B4GALT2: variants seen among roughly 807,000 people sequenced by gnomAD.
B4GALT2 encodes the protein beta-1,4-galactosyltransferase 2.
B4GALT2 carries 18 observed loss-of-function variants against 33.2 expected under a neutral mutation model. The ratio of observed to expected loss-of-function variants is 0.54; its 90% CI spans 0.38 to 0.80. The LOEUF (loss-of-function observed/expected upper bound fraction) is 0.80, where lower values mean the gene tolerates loss of function less well. B4GALT2 is among the 30% of genes least tolerant of loss of function. B4GALT2 has a pLI of 0.00. For synonymous variants in B4GALT2, 214 were observed against 217.6 expected, an observed-to-expected ratio of 0.98 and a Z score of 0.15; for missense variants, 404 against 526.2, an observed-to-expected ratio of 0.77 and a Z score of 2.27.
intron 4 of B4GALT2, 28 bp downstream of exon 4, chr1:43,985,083 A>T (rs1454660228): frequency 2.1e-5 from 34 of 1,609,482 alleles, no homozygotes; most frequent in Non-Finnish European, 2.9e-5. Context: ...AGCTGGACCC[A>T]GCCCTCCTGC....
chr1:43,986,759 G>A (rs2154303354), intron 6 of B4GALT2, among the ~76,000 whole-genome samples: 1 of 152,318 alleles, frequency 6.6e-6, no homozygotes, highest in South Asian at 2.1e-4. Context: ...CTGAAGAAGG[G>A]AGAGGCGGGG....
Position 43,982,051 on chromosome 1 carries a change from G to T in B4GALT2, c.549+127G>T, listed in dbSNP as rs2085606452. On this transcript the variant is annotated intron_variant, in intron 3 of 6. Coordinates refer to ENST00000372324, the MANE Select transcript of B4GALT2 (RefSeq NM_003780.5). The surrounding 1 kb of genome is among the most constrained non-coding windows in gnomAD (Gnocchi z 4.3). ...GTGGGTAGTCGGTGTTTGTCAGTGT[G>T]CACAGGAATGTGTACGCACAGTGTG... The T allele has an allele frequency of 1.1e-6, 1 of 883,716 alleles. No individual in the cohort carries two copies. The highest frequency in any genetic ancestry group is 1.7e-6 in the Non-Finnish European group (1 of 572,826). 54.7% of individuals were successfully genotyped at this position (883,716 alleles called of 1,614,324 possible). A position where few individuals can be genotyped will look rare whatever the true frequency, so the allele number is the denominator to read the frequency against.
In B4GALT2 at chr1:43,982,399, G is replaced by A. The variant is rs768467676; in HGVS notation, c.549+475G>A. 2.0e-5 allele frequency among the ~76,000 whole-genome samples: 3 copies of A among 152,132 alleles called. No homozygotes were observed. The highest frequency in any genetic ancestry group is 4.4e-5 in the Non-Finnish European group (3 of 68,010). ...TGATGCAGGCCCCCCCGCCCCCGCCGACCACAGAGACCTCCTAGACTTGGA... is the reference window on the plus strand; with the variant it reads ...TGATGCAGGCCCCCCCGCCCCCGCCAACCACAGAGACCTCCTAGACTTGGA... On this transcript the variant is annotated intron_variant, in intron 3 of 6. Coordinates refer to ENST00000372324, the MANE Select transcript of B4GALT2 (RefSeq NM_003780.5). The surrounding 1 kb of genome is among the most constrained non-coding windows in gnomAD (Gnocchi z 4.3).
chr1:43,987,852 C>CA (rs1025039102), intron 6 of B4GALT2, among the ~76,000 whole-genome samples: 95 of 152,332 alleles, frequency 6.2e-4, no homozygotes, highest in African/African-American at 2.2e-3. Context: ...CTCAGCTGTG[C>CA]AAAATCTTAT....
Position 43,984,347 on chromosome 1 carries a change from G to C in B4GALT2, c.550-518G>C, listed in dbSNP as rs2085632725. Among the ~76,000 whole-genome samples, 1 of 152,260 alleles carries C rather than the reference G, an allele frequency of 6.6e-6. No individual in the cohort carries two copies. The highest frequency in any genetic ancestry group is 2.4e-5 in the African/African-American group (1 of 41,476). On this transcript the variant is annotated intron_variant, in intron 3 of 6. Coordinates refer to ENST00000372324, the MANE Select transcript of B4GALT2 (RefSeq NM_003780.5). The surrounding 1 kb of genome is among the most constrained non-coding windows in gnomAD (Gnocchi z 5.6). ...ACTGCATGACTCTATACACAGCAGG[G>C]AGGGGACCAGGGCTGGCCATCTCCA...
rs749123997 is a variant in B4GALT2 at position 43,981,374 on chromosome 1, G to A, written c.214G>A (p.Ala72Thr). The change falls in exon 2 of 7, where the codon GCC becomes ACC. Residue 72 changes from alanine to threonine, a missense_variant. Ala to Thr is a moderately conservative substitution (Grantham distance 58). Coordinates refer to ENST00000372324, the MANE Select transcript of B4GALT2 (RefSeq NM_003780.5). This position sits in a 1 kb window ranked among gnomAD's most constrained non-coding sequence, Gnocchi z 8.1. ...CAGCAGCAACTGCTCCCGGCCCAAC[G>A]CCACCGCCTCTAGCTCCGGGCTCCC... ...SSSSNCSRPN[A>T]TASSSGLPEV... 7 of 1,598,552 alleles carry A rather than the reference G, an allele frequency of 4.4e-6. No individual in the cohort carries two copies. The highest frequency in any genetic ancestry group is 4.5e-5 in the East Asian group (2 of 44,880).
chr1:43,983,992 T>C (rs1347168179), intron 3 of B4GALT2, among the ~76,000 whole-genome samples: 1 of 152,170 alleles, frequency 6.6e-6, no homozygotes, highest in Non-Finnish European at 1.5e-5. Context: ...CAGGAACCTT[T>C]CTGGTTCTAG....
Position 43,984,222 on chromosome 1 carries a change from C to T in B4GALT2, c.550-643C>T, listed in dbSNP as rs976982835. On this transcript the variant is annotated intron_variant, in intron 3 of 6. Transcript: ENST00000372324. This position sits in a 1 kb window ranked among gnomAD's most constrained non-coding sequence, Gnocchi z 5.6. ...CAAGTGAATCTAGCCCAGACCTGTC[C>T]TGGTCTCAGAGGCTGCCCAGGCAGC... 1.4e-4 allele frequency among the ~76,000 whole-genome samples: 21 copies of T among 152,252 alleles called. No homozygotes were observed. The highest frequency in any genetic ancestry group is 5.1e-4 in the African/African-American group (21 of 41,462).
rs1379191650 is a variant in B4GALT2, at chr1:43,981,307, C to T, written c.147C>T (p.Gly49=). 1 of 1,604,152 alleles carries T rather than the reference C, an allele frequency of 6.2e-7. No individual in the cohort carries two copies. The highest frequency in any genetic ancestry group is 1.7e-5 in the Admixed American group (1 of 60,024). The part of the protein sequence containing the change: ...LAFFSRFSAR[G]PAHALHPAAS... ...TCTTCAGCCGCTTCAGTGCCCGAGG[C>T]CCTGCCCATGCCCTCCACCCAGCTG... The change falls in exon 2 of 7, where the codon GGC becomes GGT. Residue 49 remains glycine (G), a synonymous_variant. Coordinates refer to ENST00000372324, the MANE Select transcript of B4GALT2 (RefSeq NM_003780.5). The surrounding 1 kb of genome is among the most constrained non-coding windows in gnomAD (Gnocchi z 8.1).
At position 43,981,137 on chromosome 1, in the gene B4GALT2, G is replaced by T. The variant is rs1341558862; in HGVS notation, c.-24G>T. 2 of 1,595,918 alleles carry T rather than the reference G, an allele frequency of 1.3e-6. No homozygotes were observed. The highest frequency in any genetic ancestry group is 1.7e-6 in the Non-Finnish European group (2 of 1,178,324). ...AGCAGCCGGATGCCCGGGCCCACTG[G>T]GCGGGCCAGTGGCCGCCTGCGGGAT... On this transcript the variant is annotated 5_prime_UTR_variant, in exon 2 of 7. Coordinates refer to ENST00000372324, the MANE Select transcript of B4GALT2 (RefSeq NM_003780.5). The surrounding 1 kb of genome is among the most constrained non-coding windows in gnomAD (Gnocchi z 8.1).
In B4GALT2 at chr1:43,981,265, C is replaced by T. The variant is rs41303407; in HGVS notation, c.105C>T (p.Tyr35=). 1.1e-4 allele frequency: 176 copies of T among 1,606,868 alleles called. 1 individual carries two copies. In the East Asian group the frequency reaches 1.4e-3, roughly 13 times the overall value. The change falls in exon 2 of 7, where the codon TAC becomes TAT. Residue 35 remains tyrosine, a synonymous_variant. Coordinates refer to ENST00000372324, the MANE Select transcript of B4GALT2 (RefSeq NM_003780.5). The surrounding 1 kb of genome is among the most constrained non-coding windows in gnomAD (Gnocchi z 8.1). ...LVAVILYFDV[Y]AQHLAFFSRF... is the part of the protein sequence containing the mutation. ...CCGTCATCCTCTACTTTGACGTCTA[C>T]GCCCAGCACCTGGCCTTCTTCAGCC...
Position 43,990,316 on chromosome 1 carries a change from C to G in B4GALT2, c.987C>G (p.Asn329Lys). 1.2e-6 allele frequency: 2 copies of G among 1,614,190 alleles called. No individual in the cohort carries two copies. The highest frequency in any genetic ancestry group is 1.7e-6 in the Non-Finnish European group (2 of 1,180,034). ...PNPQRFTKIQ[N>K]TKLTMKRDGI... Reference sequence around the variant, plus strand: ...TATCTAGGTTTACCAAGATTCAAAACACGAAGCTGACCATGAAGCGGGACG... The same window carrying G: ...TATCTAGGTTTACCAAGATTCAAAAGACGAAGCTGACCATGAAGCGGGACG... Residue 329 changes from asparagine (N) to lysine (K), a missense_variant, in exon 7 of 7, where the codon AAC becomes AAG. Physicochemically the swap from Asn to Lys is moderately conservative, Grantham distance 94. Coordinates refer to ENST00000372324, the MANE Select transcript of B4GALT2 (RefSeq NM_003780.5).
At chr1:43,986,792 C>T (rs2085664013) in intron 6 of B4GALT2, among the ~76,000 whole-genome samples, 1 of 152,142 alleles carries the variant, frequency 6.6e-6, no homozygotes, top group Admixed American at 6.5e-5. Flanking sequence ...TTAGAAGGCA[C>T]ACTGTTTGAG....
At position 43,981,587 on chromosome 1, in the gene B4GALT2, G is replaced by T; in HGVS notation, c.314-102G>T. On this transcript the variant is annotated intron_variant, in intron 2 of 6. Transcript: ENST00000372324. This position sits in a 1 kb window ranked among gnomAD's most constrained non-coding sequence, Gnocchi z 8.1. ...AGGGGTCCAGGTCTGTTGTAAGAGG[G>T]CTATTCTTGGGGTTCCCTAGCCCAC... The T allele has an allele frequency of 6.5e-7, 1 of 1,530,716 alleles. No homozygotes were observed. The highest frequency in any genetic ancestry group is 1.3e-5 in the South Asian group (1 of 78,494). The allele number at this position is 1,530,716 out of a possible 1,614,324, so 94.8% of individuals were successfully genotyped here.
intron 6 of B4GALT2, 72 bp from the exon 7 acceptor site, chr1:43,990,226 T>G: frequency 1.3e-6 from 2 of 1,574,850 alleles, no homozygotes; most frequent in Non-Finnish European, 8.7e-7. Context: ...ATTTAGTTGG[T>G]TGGGGGGTGT....
rs568422011 is a variant in B4GALT2, at chr1:43,984,719, G to A, written c.550-146G>A. 114 of 850,092 alleles carry A rather than the reference G, an allele frequency of 1.3e-4. No individual in the cohort carries two copies. The highest frequency in any genetic ancestry group is 1.8e-4 in the Non-Finnish European group (99 of 563,904). The allele number at this position is 850,092 out of a possible 1,614,324, so 52.7% of individuals were successfully genotyped here. On this transcript the variant is annotated intron_variant, in intron 3 of 6. Transcript: ENST00000372324. This position sits in a 1 kb window ranked among gnomAD's most constrained non-coding sequence, Gnocchi z 5.6. ...GGCCTTTGTAGGCCAGATCCCGGTC[G>A]AGAAGCTGGACTAGATCCTGAGAGC...
chr1:43,983,178 G>A (rs1003715006), intron 3 of B4GALT2, among the ~76,000 whole-genome samples: 1 of 152,180 alleles, frequency 6.6e-6, no homozygotes, highest in Non-Finnish European at 1.5e-5. Context: ...TTAGACAAAT[G>A]AGTCTGGACC....
At position 43,981,221 on chromosome 1, in the gene B4GALT2, C is replaced by G; in HGVS notation, c.61C>G (p.Leu21Val). Residue 21 changes from leucine (L) to valine (V), a missense_variant, in exon 2 of 7, where the codon CTG becomes GTG. Leu to Val is a conservative substitution (Grantham distance 32). Coordinates refer to ENST00000372324, the MANE Select transcript of B4GALT2 (RefSeq NM_003780.5). The surrounding 1 kb of genome is among the most constrained non-coding windows in gnomAD (Gnocchi z 8.1). ...RVCKAVLLLC[L>V]LHFLVAVILY... is the part of the protein sequence containing the mutation. ...CTGCAAGGCTGTGCTCCTTCTCTGC[C>G]TGCTGCACTTCCTCGTGGCCGTCAT... 1 of 1,604,832 alleles carries G rather than the reference C, an allele frequency of 6.2e-7. No individual in the cohort carries two copies. The highest frequency in any genetic ancestry group is 1.3e-5 in the African/African-American group (1 of 75,044).
At position 43,989,374 on chromosome 1, in the gene B4GALT2, T is replaced by G. The variant is rs183248778; in HGVS notation, c.969-924T>G. On this transcript the variant is annotated intron_variant, in intron 6 of 6. Coordinates refer to ENST00000372324, the MANE Select transcript of B4GALT2 (RefSeq NM_003780.5). ...CAATAAATTTGAAAAGGAGACTTTA[T>G]TTCTCTTTTATAAAGGGTTACAACC... 2.7e-4 allele frequency among the ~76,000 whole-genome samples: 41 copies of G among 151,548 alleles called. 1 individual carries two copies. The East Asian group carries it at 7.4e-3, about 27-fold the overall frequency.
Sources: allele counts gnomAD v4.1 joint callset (sites outside exome capture counted in the v4.1 genomes callset), GRCh38; gene constraint gnomAD v4.1.1; non-coding constraint Gnocchi (gnomAD v3.1); transcripts MANE v1.5; gene names NCBI Gene and HGNC (gene_info 2026-07-23, HGNC 2026-07-21).